DYSF: variants seen among roughly 807,000 people sequenced by gnomAD.
DYSF encodes the protein dysferlin.
Under a neutral mutation model 274.9 loss-of-function variants are expected in DYSF, and 212 were observed. That is an observed-to-expected ratio of 0.77 (90% confidence interval 0.69 to 0.86). The LOEUF (loss-of-function observed/expected upper bound fraction) is 0.86. Among genes scored for constraint, DYSF ranks in the 40% least tolerant of loss-of-function variants. The pLI, the probability that DYSF is intolerant of heterozygous loss-of-function variation, is 0.00. For missense variants in DYSF, 2,666 were observed against 2,783.2 expected (o/e 0.96, Z 0.95); for synonymous variants, 1,091 against 1,078.7 (o/e 1.01, Z -0.22).
chr2:71,670,657 C>G (rs1457190074), intron 51 of DYSF, among the ~76,000 whole-genome samples: 1 of 152,202 alleles, frequency 6.6e-6, no homozygotes, highest in Non-Finnish European at 1.5e-5. Context: ...TCAGCATCTG[C>G]TAGTTTAGGT....
At chr2:71,568,558 A>T (rs982306400) in intron 26 of DYSF, among the ~76,000 whole-genome samples, 5 of 139,986 alleles carry the variant, frequency 3.6e-5, no homozygotes, top group African/African-American at 1.1e-4. Flanking sequence ...TCTTTTCATT[A>T]AAAAAATTTT....
At chr2:71,579,077 C>A (rs903181754) in intron 30 of DYSF, among the ~76,000 whole-genome samples, 4 of 152,174 alleles carry the variant, frequency 2.6e-5, no homozygotes, top group Non-Finnish European at 5.9e-5. Flanking sequence ...GCGTTCCATC[C>A]AGCCTCCCTC....
rs566767261 is a variant in DYSF, at chr2:71,549,868, T to G, written c.1577-1173T>G. Among the ~76,000 whole-genome samples the G allele has an allele frequency of 1.6e-4, 24 of 152,298 alleles. No homozygotes were observed. The South Asian group carries it at 5.0e-3, about 32-fold the overall frequency. Reference sequence around the variant, plus strand: ...AGCCCACCTACCTGGGCCTCCCACCTCTCCTGAAGGCCAGTGCCCTGTCTG... The same window carrying G: ...AGCCCACCTACCTGGGCCTCCCACCGCTCCTGAAGGCCAGTGCCCTGTCTG... On this transcript the variant is annotated intron_variant, in intron 17 of 55. Transcript: ENST00000410020.
At position 71,481,890 on chromosome 2, in the gene DYSF, G is replaced by A. The variant is rs886042641; in HGVS notation, c.159G>A (p.Trp53Ter). ...TCTTTTTCTTCCAGGGATTTGAATGGGACCTCAAGGGCATCCCCCTGGACC... is the reference window on the plus strand; with the variant it reads ...TCTTTTTCTTCCAGGGATTTGAATGAGACCTCAAGGGCATCCCCCTGGACC... ...VNPVWNEGFE[W>*]DLKGIPLDQG... The change falls in exon 3 of 56, where the codon TGG becomes TGA. Residue 53 changes from tryptophan (W) to a stop codon, truncating the protein, a stop_gained. Coordinates refer to ENST00000410020, the MANE Select transcript of DYSF (RefSeq NM_001130987.2). LOFTEE classifies it high-confidence loss of function. The A allele has an allele frequency of 6.2e-7, 1 of 1,614,052 alleles. No homozygotes were observed. The highest frequency in any genetic ancestry group is 1.1e-5 in the South Asian group (1 of 91,064).
intron 54 of DYSF, among the ~76,000 whole-genome samples, chr2:71,681,976 G>T (rs2095302223): frequency 6.6e-6 from 1 of 152,216 alleles, no homozygotes; most frequent in Non-Finnish European, 1.5e-5. Context: ...TGTTAACGGG[G>T]CCATGATGGA....
intron 13 of DYSF, 75 bp downstream of exon 13, chr2:71,526,421 C>CGGGGGGGGGGGGGTTGGGG: frequency 3.7e-6 from 1 of 272,074 alleles, no homozygotes; most frequent in East Asian, 9.7e-5. Flanking sequence ...TGGGCGATGG[C>CGGGGGGGGGGGGGTTGGGG]GGGCGGGGTC....
At chr2:71,559,607 C>A (rs2091583810) in intron 22 of DYSF, among the ~76,000 whole-genome samples, 1 of 152,200 alleles carries the variant, frequency 6.6e-6, no homozygotes, top group Admixed American at 6.5e-5. Context: ...AGCACCCCCA[C>A]CCCTACAGGC....
rs749488054 is a variant in DYSF at position 71,553,927 on chromosome 2, G to A, written c.2105G>A (p.Arg702Gln). Residue 702 changes from arginine (R) to glutamine (Q), a missense_variant, in exon 21 of 56, where the codon CGG becomes CAG. This residue lies in a region of DYSF where 412 missense variants were observed against 504.0 expected (regional missense o/e 0.82). Coordinates refer to ENST00000410020, the MANE Select transcript of DYSF (RefSeq NM_001130987.2). ...TQNQLLGIAD[R>Q]LEAGLEQVHL... ...AACCAGCTGCTTGGGATTGCTGACC[G>A]GCTGGTGAGTGAAAACTTGCCCAAA... 52 of 1,614,032 alleles carry A rather than the reference G, an allele frequency of 3.2e-5. No individual in the cohort carries two copies. Among genetic ancestry groups the A allele is most frequent in the South Asian group, 1.2e-4 (11 of 91,088 alleles).
intron 35 of DYSF, among the ~76,000 whole-genome samples, chr2:71,601,852 C>T (rs1174734607): frequency 1.3e-5 from 2 of 152,226 alleles, no homozygotes; most frequent in African/African-American, 4.8e-5. Flanking sequence ...TCTTAATGCA[C>T]ATCCAGGACT....
Position 71,569,840 on chromosome 2 carries a change from C to T in DYSF, c.2885C>T (p.Ala962Val). 1 of 1,614,036 alleles carries T rather than the reference C, an allele frequency of 6.2e-7. No homozygotes were observed. The highest frequency in any genetic ancestry group is 8.5e-7 in the Non-Finnish European group (1 of 1,180,002). ...PEKTLLHDMD[A>V]GHLSFVEEVF... is the part of the protein sequence containing the mutation. Reference sequence around the variant, plus strand: ...CACAGTCTGCTCCATGACATGGACGCCGGTCACCTGAGCTTCGTGGAAGAG... The same window carrying T: ...CACAGTCTGCTCCATGACATGGACGTCGGTCACCTGAGCTTCGTGGAAGAG... The change falls in exon 27 of 56, where the codon GCC becomes GTC. Residue 962 changes from alanine to valine, a missense_variant. Ala to Val is a moderately conservative substitution (Grantham distance 64). Around this residue, in one of 3 missense-constraint regions of DYSF, gnomAD observed 412 missense variants for 504.0 expected, o/e 0.82. Coordinates refer to ENST00000410020, the MANE Select transcript of DYSF (RefSeq NM_001130987.2).
chr2:71,570,941 C>T, intron 29 of DYSF, 200 bp downstream of exon 29: 2 of 705,986 alleles, frequency 2.8e-6, no homozygotes, highest in Non-Finnish European at 2.2e-6. Context: ...TCACACCCAG[C>T]ATACCCAAAG....
At chr2:71,531,147 G>A (rs1559091531) in intron 14 of DYSF, among the ~76,000 whole-genome samples, 1 of 151,604 alleles carries the variant, frequency 6.6e-6, no homozygotes, top group Non-Finnish European at 1.5e-5. Context: ...CAGAGACAAG[G>A]AAAACAACAA....
chr2:71,474,206 G>A lies in DYSF; in HGVS notation c.92-6677G>A, dbSNP rs541000677. On this transcript the variant is annotated intron_variant, in intron 1 of 55. Transcript: ENST00000410020. ...CTCCCAAAGTGCTGGGATTACAGGC[G>A]TGAGCAACCATGCCCAGCCGATTTT... Among the ~76,000 whole-genome samples the A allele has an allele frequency of 7.0e-4, 106 of 152,264 alleles. 1 individual carries two copies. The highest frequency in any genetic ancestry group is 2.5e-3 in the African/African-American group (104 of 41,532).
intron 41 of DYSF, among the ~76,000 whole-genome samples, chr2:71,630,989 C>T (rs977265721): frequency 2.0e-5 from 3 of 152,196 alleles, no homozygotes; most frequent in Admixed American, 1.3e-4. Flanking sequence ...TTGCTCTCAC[C>T]GACTATGAAG....
chr2:71,548,016 G>T (rs950519761), intron 17 of DYSF, among the ~76,000 whole-genome samples: 1 of 152,242 alleles, frequency 6.6e-6, no homozygotes, highest in African/African-American at 2.4e-5. Context: ...CTGCAGCTGT[G>T]TCTGTGTTGG....
rs1172662706 is a variant in DYSF, at chr2:71,539,909, CA to C, written c.1576+671del. Among the ~76,000 whole-genome samples, 3 of 152,170 alleles carry C rather than the reference CA, an allele frequency of 2.0e-5. No individual in the cohort carries two copies. The East Asian group carries it at 5.8e-4, about 29-fold the overall frequency. On this transcript the variant is annotated intron_variant, in intron 17 of 55. Coordinates refer to ENST00000410020, the MANE Select transcript of DYSF (RefSeq NM_001130987.2). ...TATAATACAATTTTAAGTGAATACA[CA>C]TATTCCATTATGTGAATGTATCATG...
At chr2:71,515,894 T>C (rs2086602913) in intron 8 of DYSF, 143 bp downstream of exon 8, 1 of 1,277,874 alleles carries the variant, frequency 7.8e-7, no homozygotes, top group South Asian at 1.4e-5. Flanking sequence ...CCCAAGGAGG[T>C]TATCTGTGGG....
At chr2:71,517,134 G>A in intron 10 of DYSF, 95 bp downstream of exon 10, 1 of 1,177,302 alleles carries the variant, frequency 8.5e-7, no homozygotes, top group Non-Finnish European at 1.3e-6. Flanking sequence ...GAGATCCTGT[G>A]TTTCTCTGCT....
At chr2:71,500,224 C>T (rs919965607) in intron 3 of DYSF, among the ~76,000 whole-genome samples, 1 of 152,126 alleles carries the variant, frequency 6.6e-6, no homozygotes, top group African/African-American at 2.4e-5. Context: ...TCTAGCCTCC[C>T]AGGGGTCCCT....
Sources: gnomAD v4.1 joint callset for allele counts (sites outside exome capture counted in the v4.1 genomes callset) on GRCh38, gnomAD v4.1.1 for gene constraint, gnomAD v4.1.1 regional missense constraint, MANE v1.5 for transcripts, NCBI Gene and HGNC (gene_info 2026-07-23, HGNC 2026-07-21) for gene names.